The following PLA2G4A variants were observed in gnomAD, a reference collection of about 807,000 sequenced individuals.
The protein encoded by PLA2G4A is cytosolic phospholipase A2.
PLA2G4A carries 40 observed loss-of-function variants against 81.9 expected under a neutral mutation model. The observed-to-expected ratio is 0.49, with a 90% CI of 0.38 to 0.64. The LOEUF (loss-of-function observed/expected upper bound fraction) is 0.64. Among genes scored for constraint, PLA2G4A ranks in the 30% least tolerant of loss-of-function variants. The pLI is 0.00. For missense variants in PLA2G4A, 715 were observed against 905.1 expected (o/e 0.79, Z 2.69); for synonymous variants, 302 against 296.9 (o/e 1.02, Z -0.18).
intron 2 of PLA2G4A, among the ~76,000 whole-genome samples, chr1:186,854,608 GA>G (rs1039600017): frequency 6.6e-6 from 1 of 151,322 alleles, no homozygotes; most frequent in Non-Finnish European, 1.5e-5. Context: ...AACTTGAAAG[GA>G]AAAAAATACC....
intron 7 of PLA2G4A, among the ~76,000 whole-genome samples, chr1:186,921,293 C>G (rs778075572): frequency 2.0e-5 from 3 of 152,188 alleles, no homozygotes; most frequent in Non-Finnish European, 2.9e-5. Context: ...CTTTGCCTTT[C>G]ATCTGTGTTT....
intron 10 of PLA2G4A, among the ~76,000 whole-genome samples, chr1:186,942,514 G>T (rs1017748098): frequency 5.3e-5 from 8 of 151,722 alleles, no homozygotes; most frequent in African/African-American, 1.9e-4. Flanking sequence ...TTATCTTCCA[G>T]AGCTATTAAG....
intron 1 of PLA2G4A, among the ~76,000 whole-genome samples, chr1:186,830,953 GCTTGCTTT>G (rs1163547813): frequency 0.096 from 4,439 of 46,256 alleles, 75 homozygotes; most frequent in Admixed American, 0.11. Flanking sequence ...TTGCTTGCTT[GCTTGCTTT>G]CTTTCTTTCT....
chr1:186,840,959 C>G (rs1000834421), intron 1 of PLA2G4A, among the ~76,000 whole-genome samples: 5 of 152,192 alleles, frequency 3.3e-5, no homozygotes, highest in African/African-American at 1.2e-4. Context: ...ATGCTGTTGT[C>G]AAAACACACT....
intron 3 of PLA2G4A, among the ~76,000 whole-genome samples, chr1:186,886,779 G>A (rs1422891981): frequency 6.6e-6 from 1 of 152,078 alleles, no homozygotes; most frequent in Admixed American, 6.6e-5. Flanking sequence ...GACTGGACTG[G>A]GCTTAATCTA....
intron 1 of PLA2G4A, among the ~76,000 whole-genome samples, chr1:186,835,085 A>G (rs1421596594): frequency 6.6e-6 from 1 of 152,160 alleles, no homozygotes; most frequent in Non-Finnish European, 1.5e-5. Flanking sequence ...TTACTGCTGG[A>G]TACAACTGTG....
intron 2 of PLA2G4A, among the ~76,000 whole-genome samples, chr1:186,858,419 C>T (rs1652671470): frequency 1.3e-5 from 2 of 152,022 alleles, no homozygotes; most frequent in South Asian, 4.1e-4. Context: ...TGAGAAGTGT[C>T]TGTTCATATC....
chr1:186,893,971 G>T, intron 4 of PLA2G4A, 127 bp from the exon 5 acceptor site: 27 of 601,528 alleles, frequency 4.5e-5, no homozygotes, highest in Non-Finnish European at 6.0e-5. Flanking sequence ...ATTAAATATT[G>T]AGATCTTCAA....
chr1:186,911,439 T>C, intron 7 of PLA2G4A, 50 bp downstream of exon 7: 1 of 1,358,100 alleles, frequency 7.4e-7, no homozygotes, highest in South Asian at 1.2e-5. Flanking sequence ...ATAATTTAGC[T>C]TGGACAATTT....
chr1:186,982,778 T>G (rs1439492192), intron 17 of PLA2G4A, among the ~76,000 whole-genome samples: 1 of 152,102 alleles, frequency 6.6e-6, no homozygotes, highest in African/African-American at 2.4e-5. Flanking sequence ...TTCTCCACTT[T>G]AAGAAAACAC....
chr1:186,934,219 C>T (rs1655850074), intron 8 of PLA2G4A, among the ~76,000 whole-genome samples: 1 of 151,872 alleles, frequency 6.6e-6, no homozygotes, highest in Non-Finnish European at 1.5e-5. Flanking sequence ...TTATTACATC[C>T]TGTTGTCCAT....
At chr1:186,861,530 T>G (rs1211805587) in intron 2 of PLA2G4A, among the ~76,000 whole-genome samples, 2 of 152,198 alleles carry the variant, frequency 1.3e-5, no homozygotes, top group Admixed American at 6.5e-5. Flanking sequence ...TTACTTTTAG[T>G]GGGCAATGGT....
At chr1:186,934,443 CATATATATATAT>C (rs71571011) in intron 8 of PLA2G4A, among the ~76,000 whole-genome samples, 2 of 99,564 alleles carry the variant, frequency 2.0e-5, no homozygotes, top group East Asian at 2.9e-4. Context: ...TAAATGTGCA[CATATATATATAT>C]ATATATATAC....
chr1:186,852,894 A>T (rs1181434559), intron 1 of PLA2G4A, among the ~76,000 whole-genome samples: 1 of 152,050 alleles, frequency 6.6e-6, no homozygotes, highest in Non-Finnish European at 1.5e-5. Context: ...TTATCATGAT[A>T]AATTAGACTC....
At chr1:186,905,692 T>C (rs1654707856) in intron 5 of PLA2G4A, among the ~76,000 whole-genome samples, 1 of 117,392 alleles carries the variant, frequency 8.5e-6, no homozygotes. Context: ...GATGCACTCC[T>C]CCTCCTCACA....
chr1:186,837,736 C>CAAAAAAAAAAAAAAAAAA (rs750655561), intron 1 of PLA2G4A, among the ~76,000 whole-genome samples: 1 of 55,212 alleles, frequency 1.8e-5, no homozygotes, highest in Non-Finnish European at 3.3e-5. Context: ...GACTCCGTCT[C>CAAAAAAAAAAAAAAAAAA]AAAAAAAAAA....
intron 15 of PLA2G4A, among the ~76,000 whole-genome samples, chr1:186,967,142 T>C (rs1657161478): frequency 6.6e-6 from 1 of 152,192 alleles, no homozygotes; most frequent in Admixed American, 6.5e-5. Context: ...TTTTTTTCTC[T>C]ATCATATGAT....
intron 5 of PLA2G4A, among the ~76,000 whole-genome samples, chr1:186,906,138 A>C (rs1226848620): frequency 6.6e-6 from 1 of 152,202 alleles, no homozygotes; most frequent in Non-Finnish European, 1.5e-5. Flanking sequence ...CACATTTACA[A>C]CTGTGTAGCA....
chr1:186,855,280 C>T (rs1382753231), intron 2 of PLA2G4A, among the ~76,000 whole-genome samples: 4 of 151,980 alleles, frequency 2.6e-5, no homozygotes, highest in Non-Finnish European at 5.9e-5. Context: ...CTACCCAACT[C>T]TGCTGCTCAT....
Sources: allele counts gnomAD v4.1 joint callset (sites outside exome capture counted in the v4.1 genomes callset), GRCh38; gene constraint gnomAD v4.1.1; transcripts MANE v1.5; gene names NCBI Gene and HGNC (gene_info 2026-07-23, HGNC 2026-07-21).